The following CSMD1 variants were observed in gnomAD, a reference collection of about 807,000 sequenced individuals.
CSMD1 encodes the protein CUB and Sushi multiple domains 1.
CSMD1 carries 213 observed loss-of-function variants against 417.5 expected under a neutral mutation model. The ratio of observed to expected loss-of-function variants is 0.51; its 90% CI spans 0.46 to 0.57. The LOEUF is 0.57. Among genes scored for constraint, CSMD1 ranks in the 20% least tolerant of loss-of-function variants. CSMD1 has a pLI of 0.00. For missense variants in CSMD1, 6,923 were observed against 4,529.7 expected (o/e 1.53, Z -15.17); for synonymous variants, 2,862 against 1,736.8 (o/e 1.65, Z -16.11).
intron 5 of CSMD1, among the ~76,000 whole-genome samples, chr8:3,976,650 T>A (rs192354516): frequency 1.3e-5 from 2 of 152,330 alleles, no homozygotes; most frequent in African/African-American, 4.8e-5. Flanking sequence ...CTGATCAATG[T>A]GACTGACAGC....
chr8:4,218,438 C>A (rs1800818062), intron 3 of CSMD1, among the ~76,000 whole-genome samples: 1 of 152,146 alleles, frequency 6.6e-6, no homozygotes. Context: ...TACTTTTATT[C>A]TGCCATGCTT....
chr8:3,575,431 C>T (rs1397777066), intron 9 of CSMD1, among the ~76,000 whole-genome samples: 2 of 152,144 alleles, frequency 1.3e-5, no homozygotes, highest in African/African-American at 4.8e-5. Flanking sequence ...AGAGAGTCTC[C>T]ATACACACCT....
At chr8:3,552,757 T>C (rs868510027) in intron 10 of CSMD1, among the ~76,000 whole-genome samples, 11 of 152,220 alleles carry the variant, frequency 7.2e-5, no homozygotes, top group Non-Finnish European at 1.5e-4. Context: ...ATGAATTTTA[T>C]TGACACAAGA....
At chr8:3,715,835 G>C (rs934178120) in intron 6 of CSMD1, among the ~76,000 whole-genome samples, 4 of 152,156 alleles carry the variant, frequency 2.6e-5, no homozygotes, top group African/African-American at 2.4e-5. Context: ...GAGCCACAGC[G>C]CCCGGCCTGC....
intron 5 of CSMD1, among the ~76,000 whole-genome samples, chr8:3,984,769 G>T (rs148360954): frequency 7.5e-6 from 1 of 133,698 alleles, no homozygotes; most frequent in Non-Finnish European, 1.6e-5. Context: ...GTATTTGTGC[G>T]TGTGTGTGTG....
intron 1 of CSMD1, among the ~76,000 whole-genome samples, chr8:4,979,476 C>G (rs888390330): frequency 1.3e-5 from 2 of 152,138 alleles, no homozygotes; most frequent in Admixed American, 6.5e-5. Flanking sequence ...CTTTAGAACA[C>G]TTGAGTGTGT....
rs35438493 is a variant in CSMD1, at chr8:2,994,145, C to CAA, written c.8377+3864_8377+3865dup. ...TGGGCAACAGAGCAAAACTCCATCT[C>CAA]AAAAAAAAAAAAAAAAAAAAAAAAA... On this transcript the variant is annotated intron_variant, in intron 54 of 69. Transcript: ENST00000635120. Among the ~76,000 whole-genome samples the CAA allele has an allele frequency of 1.9e-3, 57 of 30,520 alleles. 13 individuals are homozygous for CAA. Among genetic ancestry groups the CAA allele is most frequent in the African/African-American group, 9.1e-3 (38 of 4,196 alleles). 20.0% of individuals were successfully genotyped at this position (30,520 alleles called of 152,430 possible). A position where few individuals can be genotyped will look rare whatever the true frequency, so the allele number is the denominator to read the frequency against.
chr8:4,822,681 A>T (rs1041243461), intron 1 of CSMD1, among the ~76,000 whole-genome samples: 1 of 152,164 alleles, frequency 6.6e-6, no homozygotes, highest in Non-Finnish European at 1.5e-5. Flanking sequence ...TTAAAATATA[A>T]TTAGCCATAT....
At chr8:4,673,847 G>C (rs28495712) in intron 1 of CSMD1, among the ~76,000 whole-genome samples, 5,236 of 152,140 alleles carry the variant, frequency 0.034, 320 homozygotes, top group African/African-American at 0.12. Flanking sequence ...TGCTTGCCAG[G>C]GACTGCCCGT....
intron 23 of CSMD1, among the ~76,000 whole-genome samples, chr8:3,320,664 G>C (rs1806093155): frequency 6.6e-6 from 1 of 152,188 alleles, no homozygotes; most frequent in Admixed American, 6.5e-5. Flanking sequence ...GGACGCAAGA[G>C]CGCAGTTCCT....
rs77993049 is a variant in CSMD1, at chr8:4,606,356, GAA to G, written c.302+30984_302+30985del. On this transcript the variant is annotated intron_variant, in intron 2 of 69. Transcript: ENST00000635120. Reference sequence around the variant, plus strand: ...GAAAACAGTCAAGGAAACAGGGAGAGAAAAAAAAAAAAGAGTTCTTTCTGTGC... The same window carrying G: ...GAAAACAGTCAAGGAAACAGGGAGAGAAAAAAAAAAGAGTTCTTTCTGTGC... Among the ~76,000 whole-genome samples the G allele has an allele frequency of 4.9e-5, 7 of 143,322 alleles. No homozygotes were observed. In the East Asian group the frequency reaches 1.0e-3, roughly 21 times the overall value. 94.0% of individuals were successfully genotyped at this position (143,322 alleles called of 152,430 possible).
intron 3 of CSMD1, among the ~76,000 whole-genome samples, chr8:4,053,766 G>C (rs996307881): frequency 6.6e-6 from 1 of 152,064 alleles, no homozygotes; most frequent in Admixed American, 6.6e-5. Flanking sequence ...GATGGCATTT[G>C]GGGGCTTAGA....
At chr8:3,391,913 C>T (rs1458245130) in intron 17 of CSMD1, among the ~76,000 whole-genome samples, 5 of 152,050 alleles carry the variant, frequency 3.3e-5, no homozygotes, top group African/African-American at 1.2e-4. Flanking sequence ...GAGCAATATT[C>T]CTGTTTTTAA....
At chr8:3,274,863 G>A (rs1802153933) in intron 26 of CSMD1, among the ~76,000 whole-genome samples, 1 of 152,132 alleles carries the variant, frequency 6.6e-6, no homozygotes, top group East Asian at 1.9e-4. Flanking sequence ...GCACACTGAT[G>A]GGTCTTGACT....
At chr8:4,556,225 G>A (rs1323546303) in intron 2 of CSMD1, among the ~76,000 whole-genome samples, 4 of 152,070 alleles carry the variant, frequency 2.6e-5, no homozygotes, top group East Asian at 1.9e-4. Context: ...TATCAGAAAA[G>A]TTAGGATTTC....
chr8:3,978,982 C>T (rs1813649463), intron 5 of CSMD1, among the ~76,000 whole-genome samples: 1 of 152,202 alleles, frequency 6.6e-6, no homozygotes, highest in Non-Finnish European at 1.5e-5. Flanking sequence ...TAGAAGCTTG[C>T]ATTTTACAAC....
intron 12 of CSMD1, among the ~76,000 whole-genome samples, chr8:3,451,719 C>A (rs977865837): frequency 2.0e-5 from 3 of 152,104 alleles, no homozygotes; most frequent in African/African-American, 7.2e-5. Flanking sequence ...GTTACGGTAG[C>A]CTTGTAATAT....
intron 3 of CSMD1, among the ~76,000 whole-genome samples, chr8:4,081,540 G>T (rs1333864832): frequency 6.6e-6 from 1 of 152,118 alleles, no homozygotes; most frequent in Non-Finnish European, 1.5e-5. Flanking sequence ...CACCGGAAAG[G>T]AACCGAAGCT....
chr8:4,196,068 G>A (rs955561476), intron 3 of CSMD1, among the ~76,000 whole-genome samples: 4 of 152,024 alleles, frequency 2.6e-5, no homozygotes, highest in South Asian at 2.1e-4. Context: ...AAAATTAGCC[G>A]GGCGTGGTGA....
Sources: allele counts gnomAD v4.1 joint callset (sites outside exome capture counted in the v4.1 genomes callset), GRCh38; gene constraint gnomAD v4.1.1; transcripts MANE v1.5; gene names NCBI Gene and HGNC (gene_info 2026-07-23, HGNC 2026-07-21).